Variants in MICALL2 observed in about 807,000 individuals in gnomAD.
MICALL2 encodes the protein MICAL like 2, also known as MICAL-like protein 2.
Under a neutral mutation model 91.1 loss-of-function variants are expected in MICALL2, and 111 were observed. The ratio of observed to expected loss-of-function variants is 1.22; its 90% CI spans 1.04 to 1.43. The LOEUF (loss-of-function observed/expected upper bound fraction) is 1.43. Ranked by LOEUF, MICALL2 falls within the 40% of genes most tolerant of loss-of-function variation. MICALL2 has a pLI of 0.00. For missense variants in MICALL2, 1,556 were observed against 1,236.0 expected (o/e 1.26, Z -3.88); for synonymous variants, 694 against 525.3 (o/e 1.32, Z -4.39).
At chr7:1,440,905 C>G (rs1562453107) in intron 7 of MICALL2, 1 of 546,050 alleles carries the variant, frequency 1.8e-6, no homozygotes, top group South Asian at 2.0e-5. Context: ...GGAAGCTCTC[C>G]CTGCCTCTGG....
intron 2 of MICALL2, 86 bp downstream of exon 2, chr7:1,450,154 G>C: frequency 9.6e-7 from 1 of 1,037,618 alleles, no homozygotes; most frequent in Non-Finnish European, 1.5e-6. Flanking sequence ...TGCAGGGCCT[G>C]GGGGGAGTCC....
chr7:1,443,271 C>G (rs1419241612), intron 6 of MICALL2, among the ~76,000 whole-genome samples: 1 of 151,726 alleles, frequency 6.6e-6, no homozygotes, highest in Non-Finnish European at 1.5e-5. Context: ...CCCTGGACAC[C>G]CCCCAGTGCC....
rs200156703 is a variant in MICALL2, at chr7:1,435,116, T to A, written c.2623A>T (p.Met875Leu). 4 of 1,613,196 alleles carry A rather than the reference T, an allele frequency of 2.5e-6. No homozygotes were observed. In the African/African-American group the frequency reaches 4.0e-5, roughly 16 times the overall value. The change falls in exon 16 of 17, where the codon ATG (methionine) becomes TTG (leucine). Residue 875 changes from methionine to leucine, a missense_variant. Physicochemically the swap from Met to Leu is conservative, Grantham distance 15. Coordinates refer to ENST00000297508, the MANE Select transcript of MICALL2 (RefSeq NM_182924.4). ...GCCCAGTCACCCAGCTTCTCAATCA[T>A]GTCCCGCAGCATCTGATCCTCCTCT... The part of the protein sequence containing the change: ...EQEEDQMLRD[M>L]IEKLGLQRKK...
At chr7:1,442,515 G>T (rs1424337090) in intron 6 of MICALL2, 31 bp from the exon 7 acceptor site, 1 of 1,511,234 alleles carries the variant, frequency 6.6e-7, no homozygotes, top group Non-Finnish European at 8.8e-7. Flanking sequence ...ATCAGGCACA[G>T]CTGGATCCAG....
rs1457142972 is a variant in MICALL2 at position 1,434,611 on chromosome 7, G to A, written c.2700C>T (p.Ser900=). 3 of 1,591,362 alleles carry A rather than the reference G, an allele frequency of 1.9e-6. No homozygotes were observed. Among genetic ancestry groups the A allele is most frequent in the East Asian group, 2.2e-5 (1 of 44,726 alleles). ...CTACTGGCTACTACTGGGAGGGGCT[G>A]CTTTTGCTTTTTGGTGACCAGATCT... The part of the protein sequence containing the change: ...LSKIWSPKSK[S]SPSQ The change falls in exon 17 of 17, where the codon AGC becomes AGT. Residue 900 remains serine, a synonymous_variant. Transcript: ENST00000297508.
Position 1,438,223 on chromosome 7 carries a change from G to C in MICALL2, c.2188-3C>G, listed in dbSNP as rs199618255. The C allele has an allele frequency of 1.2e-5, 19 of 1,587,790 alleles. No individual in the cohort carries two copies. Among genetic ancestry groups the C allele is most frequent in the African/African-American group, 2.7e-5 (2 of 74,562 alleles). On this transcript the variant is annotated splice_region_variant and splice_polypyrimidine_tract_variant and intron_variant, in intron 11 of 16. Coordinates refer to ENST00000297508, the MANE Select transcript of MICALL2 (RefSeq NM_182924.4). ...GGGGAGAGGTAGTCGGGGTGCAGCTGGGAACGGAGGGGCGGTGAGGATGCC... is the reference window on the plus strand; with the variant it reads ...GGGGAGAGGTAGTCGGGGTGCAGCTCGGAACGGAGGGGCGGTGAGGATGCC...
In MICALL2 at chr7:1,436,729, A is replaced by AGGGG; in HGVS notation, c.2591+12_2591+13insCCCC. The AGGGG allele has an allele frequency of 1.3e-6, 2 of 1,593,234 alleles. No individual in the cohort carries two copies. The highest frequency in any genetic ancestry group is 3.4e-5 in the Admixed American group (2 of 58,586). On this transcript the variant is annotated intron_variant, in intron 15 of 16. Coordinates refer to ENST00000297508, the MANE Select transcript of MICALL2 (RefSeq NM_182924.4). ...GGCCTGGCTGGGAGGGGCCCCCGGCACCTGCCCCTCACCGGAGCCGGTCCT... is the reference window on the plus strand; with the variant it reads ...GGCCTGGCTGGGAGGGGCCCCCGGCAGGGGCCTGCCCCTCACCGGAGCCGGTCCT...
chr7:1,450,436 G>A lies in MICALL2; in HGVS notation c.144-148C>T, dbSNP rs551002002. Reference sequence around the variant, plus strand: ...ATGAGGTGGCACAGGACCACAGGTGGGCAGAGGCCAGGGCTCCCGGCCCTG... The same window carrying A: ...ATGAGGTGGCACAGGACCACAGGTGAGCAGAGGCCAGGGCTCCCGGCCCTG... On this transcript the variant is annotated intron_variant, in intron 1 of 16. Transcript: ENST00000297508. 5.7e-6 allele frequency: 4 copies of A among 697,760 alleles called. No individual in the cohort carries two copies. In the East Asian group the frequency reaches 7.9e-5, roughly 14 times the overall value. 43.2% of individuals were successfully genotyped at this position (697,760 alleles called of 1,614,324 possible).
intron 1 of MICALL2, among the ~76,000 whole-genome samples, chr7:1,455,213 C>G (rs1780969892): frequency 6.6e-6 from 1 of 152,214 alleles, no homozygotes; most frequent in Non-Finnish European, 1.5e-5. Context: ...CTGCTTGGGC[C>G]CAGGAATGAA....
intron 10 of MICALL2, 70 bp from the exon 11 acceptor site, chr7:1,438,423 G>T (rs920790619): frequency 3.9e-5 from 60 of 1,544,848 alleles, no homozygotes; most frequent in Non-Finnish European, 5.2e-5. Flanking sequence ...ACACAGCTTG[G>T]AAGGAGCCTG....
chr7:1,442,274 T>C lies in MICALL2; in HGVS notation c.1629A>G (p.Ser543=), dbSNP rs765698134. ...PAGRRNLAES[S]GVGRVGAGSR... is the part of the protein sequence containing the mutation. ...AGCCAGCACCCACCCTGCCGACCCCTGAGGATTCCGCCAAGTTCCTCCTGC... is the reference window on the plus strand; with the variant it reads ...AGCCAGCACCCACCCTGCCGACCCCCGAGGATTCCGCCAAGTTCCTCCTGC... The change falls in exon 7 of 17, where the codon TCA becomes TCG. Residue 543 remains serine (S), a synonymous_variant. Coordinates refer to ENST00000297508, the MANE Select transcript of MICALL2 (RefSeq NM_182924.4). The C allele has an allele frequency of 1.2e-6, 2 of 1,612,860 alleles. No homozygotes were observed. Among genetic ancestry groups the C allele is most frequent in the Admixed American group, 1.7e-5 (1 of 60,002 alleles).
At position 1,459,376 on chromosome 7, in the gene MICALL2, G is replaced by A. The variant is rs769805400; in HGVS notation, c.-50C>T. Reference sequence around the variant, plus strand: ...CGGAACCGCCCTCCGACACCTTCCCGCGGCTGTGCCGCGACCGCCCGGCCG... The same window carrying A: ...CGGAACCGCCCTCCGACACCTTCCCACGGCTGTGCCGCGACCGCCCGGCCG... On this transcript the variant is annotated 5_prime_UTR_variant, in exon 1 of 17. Coordinates refer to ENST00000297508, the MANE Select transcript of MICALL2 (RefSeq NM_182924.4). 1.5e-5 allele frequency: 21 copies of A among 1,404,390 alleles called. No homozygotes were observed. Among genetic ancestry groups the A allele is most frequent in the Admixed American group, 7.2e-5 (2 of 27,844 alleles). The allele number at this position is 1,404,390 out of a possible 1,614,324, so 87.0% of individuals were successfully genotyped here.
intron 8 of MICALL2, 190 bp from the exon 9 acceptor site, chr7:1,440,275 C>A: frequency 2.8e-6 from 2 of 712,396 alleles, no homozygotes; most frequent in Non-Finnish European, 4.5e-6. Flanking sequence ...CGCTACCTGC[C>A]GTGGTGCGAA....
intron 1 of MICALL2, among the ~76,000 whole-genome samples, chr7:1,450,763 G>C (rs1252702332): frequency 6.6e-6 from 1 of 152,204 alleles, no homozygotes; most frequent in African/African-American, 2.4e-5. Context: ...TATGCAGAGA[G>C]GGCCAGCCAC....
chr7:1,441,069 G>C, intron 7 of MICALL2: 1 of 247,604 alleles, frequency 4.0e-6, no homozygotes, highest in East Asian at 8.6e-5. Context: ...GATCCAGCGC[G>C]TGGCTTTAAC....
chr7:1,439,461 G>A (rs1347902458), intron 9 of MICALL2: 4 of 196,670 alleles, frequency 2.0e-5, no homozygotes, highest in East Asian at 1.4e-4. Context: ...CATCGCACAT[G>A]AACACAGATG....
chr7:1,456,750 G>A lies in MICALL2; in HGVS notation c.143+2434C>T, dbSNP rs183052418. ...GGTGCCACTGCACTCCAGCCTGGGC[G>A]ACAGAGCGAGACTCCAACTCTGGAA... On this transcript the variant is annotated intron_variant, in intron 1 of 16. Transcript: ENST00000297508. Among the ~76,000 whole-genome samples the A allele has an allele frequency of 7.8e-4, 118 of 152,206 alleles. 1 individual carries two copies. The highest frequency in any genetic ancestry group is 3.1e-3 in the Admixed American group (48 of 15,294).
chr7:1,438,545 C>T, intron 10 of MICALL2, 192 bp from the exon 11 acceptor site: 1 of 1,428,840 alleles, frequency 7.0e-7, no homozygotes, highest in Non-Finnish European at 9.1e-7. Flanking sequence ...GGCCCAGCCC[C>T]ACCCTGCACC....
chr7:1,447,934 G>A, intron 3 of MICALL2, 169 bp from the exon 4 acceptor site: 1 of 492,178 alleles, frequency 2.0e-6, no homozygotes. Flanking sequence ...ACAGCCCCGG[G>A]TCGGTCCCCA....
Sources: allele counts gnomAD v4.1 joint callset (sites outside exome capture counted in the v4.1 genomes callset), GRCh38; gene constraint gnomAD v4.1.1; transcripts MANE v1.5; gene names NCBI Gene and HGNC (gene_info 2026-07-23, HGNC 2026-07-21).